The following FSTL5 variants were observed in gnomAD, a reference collection of about 807,000 sequenced individuals.
The protein encoded by FSTL5 is follistatin-related protein 5.
Under a neutral mutation model 89.1 loss-of-function variants are expected in FSTL5, and 62 were observed. That is an observed-to-expected ratio of 0.70 (90% CI 0.57 to 0.86). FSTL5 has a LOEUF of 0.86. Among genes scored for constraint, FSTL5 ranks in the 40% least tolerant of loss-of-function variants. FSTL5 has a pLI of 0.00. For missense variants in FSTL5, 1,057 were observed against 1,001.6 expected (o/e 1.06, Z -0.75); for synonymous variants, 383 against 346.2 (o/e 1.11, Z -1.18).
chr4:161,844,940 T>A (rs933973250), intron 4 of FSTL5, among the ~76,000 whole-genome samples: 4 of 151,438 alleles, frequency 2.6e-5, no homozygotes, highest in Admixed American at 6.6e-5. Flanking sequence ...ATAATAATAA[T>A]AAAAAAACTA....
chr4:161,720,487 T>C (rs1360456490), intron 6 of FSTL5, among the ~76,000 whole-genome samples: 3 of 152,156 alleles, frequency 2.0e-5, no homozygotes, highest in Non-Finnish European at 4.4e-5. Flanking sequence ...ATCTACTACA[T>C]GATCTAGCAA....
chr4:161,918,878 G>C (rs1733913837), intron 4 of FSTL5, among the ~76,000 whole-genome samples: 1 of 151,902 alleles, frequency 6.6e-6, no homozygotes, highest in Admixed American at 6.6e-5. Flanking sequence ...CCTGACTTCA[G>C]GTGATCTGCC....
intron 7 of FSTL5, among the ~76,000 whole-genome samples, chr4:161,636,014 A>G (rs1735678935): frequency 6.6e-6 from 1 of 151,906 alleles, no homozygotes; most frequent in African/African-American, 2.4e-5. Context: ...CCCTTGTGTA[A>G]TTTTAGTAAC....
intron 4 of FSTL5, among the ~76,000 whole-genome samples, chr4:161,861,836 A>G (rs1731926834): frequency 6.6e-6 from 1 of 152,226 alleles, no homozygotes; most frequent in South Asian, 2.1e-4. Context: ...TAAACTACTC[A>G]CAGAAAATCT....
intron 3 of FSTL5, among the ~76,000 whole-genome samples, chr4:161,984,959 CTT>C (rs760714876): frequency 4.9e-5 from 7 of 141,728 alleles, no homozygotes; most frequent in Admixed American, 1.4e-4. Context: ...TATCTGAATA[CTT>C]TTTTTTTTTT....
At chr4:161,508,732 TAGAA>T (rs2126497193) in intron 11 of FSTL5, among the ~76,000 whole-genome samples, 1 of 152,252 alleles carries the variant, frequency 6.6e-6, no homozygotes, top group Non-Finnish European at 1.5e-5. Flanking sequence ...CCAAAGTTCA[TAGAA>T]AGAGTTGTTC....
chr4:161,883,865 G>C (rs1357150199), intron 4 of FSTL5, among the ~76,000 whole-genome samples: 1 of 152,062 alleles, frequency 6.6e-6, no homozygotes, highest in African/African-American at 2.4e-5. Context: ...ATTATTCTAT[G>C]TTCTTTACAA....
intron 4 of FSTL5, among the ~76,000 whole-genome samples, chr4:161,777,069 T>C (rs1741436333): frequency 6.6e-6 from 1 of 151,932 alleles, no homozygotes; most frequent in Non-Finnish European, 1.5e-5. Context: ...ATCACTTTAC[T>C]CTACAGCCAT....
chr4:161,875,703 T>C (rs911515505), intron 4 of FSTL5, among the ~76,000 whole-genome samples: 1 of 152,234 alleles, frequency 6.6e-6, no homozygotes, highest in Non-Finnish European at 1.5e-5. Context: ...TGACCAATTC[T>C]TAATGGTATG....
intron 1 of FSTL5, among the ~76,000 whole-genome samples, chr4:162,132,652 A>G (rs571992465): frequency 1.3e-5 from 2 of 152,324 alleles, no homozygotes; most frequent in African/African-American, 4.8e-5. Context: ...CCTACTGCAT[A>G]GATGTGCAAA....
At chr4:161,828,299 A>C (rs1730731285) in intron 4 of FSTL5, among the ~76,000 whole-genome samples, 1 of 151,772 alleles carries the variant, frequency 6.6e-6, no homozygotes, top group Non-Finnish European at 1.5e-5. Context: ...GAGCATTTAC[A>C]GTTTTGGGGC....
At chr4:161,426,178 T>C (rs1560889068) in intron 15 of FSTL5, among the ~76,000 whole-genome samples, 1 of 152,192 alleles carries the variant, frequency 6.6e-6, no homozygotes, top group Non-Finnish European at 1.5e-5. Context: ...GAATTAACTA[T>C]ATGTAGCAAC....
At chr4:161,559,005 T>C (rs772397091) in intron 8 of FSTL5, among the ~76,000 whole-genome samples, 1 of 151,936 alleles carries the variant, frequency 6.6e-6, no homozygotes, top group Non-Finnish European at 1.5e-5. Flanking sequence ...CCTGCACAAA[T>C]CCATTCTTCA....
intron 1 of FSTL5, among the ~76,000 whole-genome samples, chr4:162,115,415 C>T (rs549404236): frequency 1.3e-5 from 2 of 152,272 alleles, no homozygotes; most frequent in East Asian, 1.9e-4. Flanking sequence ...CAGCAGTAAT[C>T]GATCCCACCA....
intron 3 of FSTL5, among the ~76,000 whole-genome samples, chr4:161,992,693 A>C (rs868319376): frequency 6.6e-6 from 1 of 150,836 alleles, no homozygotes; most frequent in African/African-American, 2.4e-5. Flanking sequence ...GAATACAAAA[A>C]ATTAGCTGGG....
At chr4:161,945,718 C>T (rs931532248) in intron 3 of FSTL5, among the ~76,000 whole-genome samples, 1 of 152,124 alleles carries the variant, frequency 6.6e-6, no homozygotes, top group Non-Finnish European at 1.5e-5. Flanking sequence ...TGCCATTGCA[C>T]TCCAACCTGG....
chr4:161,935,704 G>A (rs1734413646), intron 3 of FSTL5, among the ~76,000 whole-genome samples: 1 of 151,902 alleles, frequency 6.6e-6, no homozygotes. Context: ...AGTCCTTTTT[G>A]TTCTTTCTCA....
chr4:161,469,948 T>A (rs188177823), intron 13 of FSTL5, among the ~76,000 whole-genome samples: 10 of 152,258 alleles, frequency 6.6e-5, no homozygotes, highest in African/African-American at 2.4e-4. Flanking sequence ...GTTTTGGTGA[T>A]TTTTGTGGTT....
In FSTL5 at chr4:161,978,791, T is replaced by G. The variant is rs552753807; in HGVS notation, c.160+54834A>C. 9.9e-5 allele frequency among the ~76,000 whole-genome samples: 15 copies of G among 152,264 alleles called. No individual in the cohort carries two copies. The South Asian group carries it at 2.3e-3, about 23-fold the overall frequency. ...TCTACAGTCTAGATTTGCCTATTGT[T>G]ATCTCATAATTAAATTTAAAGTTAA... On this transcript the variant is annotated intron_variant, in intron 3 of 15. Transcript: ENST00000306100.
Sources: gnomAD v4.1 joint callset for allele counts (sites outside exome capture counted in the v4.1 genomes callset) on GRCh38, gnomAD v4.1.1 for gene constraint, MANE v1.5 for transcripts, NCBI Gene and HGNC (gene_info 2026-07-23, HGNC 2026-07-21) for gene names.